ERO1B: variants seen among roughly 807,000 people sequenced by gnomAD.
The protein encoded by ERO1B is ERO1-like protein beta.
ERO1B carries 49 observed loss-of-function variants against 75.3 expected under a neutral mutation model. The ratio of observed to expected loss-of-function variants is 0.65; its 90% confidence interval spans 0.52 to 0.83. The LOEUF is 0.83. Among genes scored for constraint, ERO1B ranks in the 40% least tolerant of loss-of-function variants. ERO1B has a pLI of 0.00. For synonymous variants in ERO1B, 191 were observed against 192.9 expected (o/e 0.99, Z 0.08); for missense variants, 512 against 560.1 (o/e 0.91, Z 0.87).
At chr1:236,235,053 T>C (rs1313155472) in intron 8 of ERO1B, among the ~76,000 whole-genome samples, 1 of 152,252 alleles carries the variant, frequency 6.6e-6, no homozygotes, top group Non-Finnish European at 1.5e-5. Context: ...AATATAGTTT[T>C]TACATCTAAA....
intron 8 of ERO1B, among the ~76,000 whole-genome samples, chr1:236,234,551 G>C (rs548950182): frequency 6.6e-6 from 1 of 152,292 alleles, no homozygotes; most frequent in African/African-American, 2.4e-5. Flanking sequence ...GGCAAAAGTA[G>C]TAAAAGAGAC....
In ERO1B at chr1:236,221,796, A is replaced by G. The variant is rs1460201612; in HGVS notation, c.1209+128T>C. The G allele has an allele frequency of 1.2e-5, 8 of 684,406 alleles. No homozygotes were observed. In the East Asian group the frequency reaches 2.3e-4, roughly 20 times the overall value. The allele number at this position is 684,406 out of a possible 1,614,324, so 42.4% of individuals were successfully genotyped here. A position where few individuals can be genotyped will look rare whatever the true frequency, so the allele number is the denominator to read the frequency against. On this transcript the variant is annotated intron_variant, in intron 14 of 15. Coordinates refer to ENST00000354619, the MANE Select transcript of ERO1B (RefSeq NM_019891.4). ...TTTAATTTTTTCATCAACAGAAAAA[A>G]CACCTTGGATCTGCCTATTCCTAAA...
chr1:236,257,176 G>C (rs575187467), intron 2 of ERO1B, among the ~76,000 whole-genome samples: 2 of 152,314 alleles, frequency 1.3e-5, no homozygotes, highest in South Asian at 4.1e-4. Context: ...CAGCAGGCTG[G>C]ACAAGCACAA....
chr1:236,219,539 C>A (rs1664082769), intron 15 of ERO1B, among the ~76,000 whole-genome samples: 1 of 152,148 alleles, frequency 6.6e-6, no homozygotes, highest in South Asian at 2.1e-4. Context: ...CAATATTTTT[C>A]ATTTCAATTT....
rs1664283082 is a variant in ERO1B at position 236,226,482 on chromosome 1, A to G, written c.839T>C (p.Ile280Thr). 1.2e-6 allele frequency: 2 copies of G among 1,613,922 alleles called. No homozygotes were observed. Among genetic ancestry groups the G allele is most frequent in the African/African-American group, 1.3e-5 (1 of 74,916 alleles). The change falls in exon 12 of 16, where the codon ATT becomes ACT. Residue 280 changes from isoleucine (I) to threonine (T), a missense_variant. Coordinates refer to ENST00000354619, the MANE Select transcript of ERO1B (RefSeq NM_019891.4). ...GTCAAAGCGGTGTTTGAATTCTTTA[A>G]TATTAGGTCCCCAACTGGGCTTACC... Reference protein sequence around the residue: ...TWGKPSWGPNIKEFKHRFDPV... With the variant: ...TWGKPSWGPNTKEFKHRFDPV...
At chr1:236,236,424 C>A (rs771391632) in intron 6 of ERO1B, 26 bp from the exon 7 acceptor site, 11 of 1,611,138 alleles carry the variant, frequency 6.8e-6, no homozygotes, top group Non-Finnish European at 9.3e-6. Context: ...TTCATAAAAA[C>A]CATCCATATT....
Position 236,236,325 on chromosome 1 carries a change from G to T in ERO1B, c.579C>A (p.Thr193=). The change falls in exon 7 of 16, where the codon ACC becomes ACA. Residue 193 remains threonine (T), a synonymous_variant. Transcript: ENST00000354619. ...NPERYTGYKG[T]SAWRVWNSIY... is the part of the protein sequence containing the mutation. ...TGCTGTTCCACACTCTCCATGCAGA[G>T]GTCCCTTTATAGCCAGTGTAACGCT... 1 of 1,613,896 alleles carries T rather than the reference G, an allele frequency of 6.2e-7. No individual in the cohort carries two copies. Among genetic ancestry groups the T allele is most frequent in the Non-Finnish European group, 8.5e-7 (1 of 1,179,976 alleles).
In ERO1B at chr1:236,225,367, T is replaced by A. The variant is rs1292532912; in HGVS notation, c.1053-228A>T. ...TAAATTTAGTAAGACTGTAATGTTT[T>A]AAATAAATGACACAGGTAATCTAAA... On this transcript the variant is annotated intron_variant, in intron 12 of 15. Coordinates refer to ENST00000354619, the MANE Select transcript of ERO1B (RefSeq NM_019891.4). Among the ~76,000 whole-genome samples the A allele has an allele frequency of 3.3e-5, 5 of 152,316 alleles. No individual in the cohort carries two copies. The South Asian group carries it at 8.3e-4, about 25-fold the overall frequency.
chr1:236,250,083 A>G, intron 4 of ERO1B, 116 bp from the exon 5 acceptor site: 1 of 544,964 alleles, frequency 1.8e-6, no homozygotes, highest in African/African-American at 2.0e-5. Flanking sequence ...CATACATTCC[A>G]TTATAAAAAT....
intron 1 of ERO1B, among the ~76,000 whole-genome samples, chr1:236,272,461 C>T (rs1665613431): frequency 6.6e-6 from 1 of 152,036 alleles, no homozygotes. Flanking sequence ...AATGCAAAAG[C>T]AGAAAATCAA....
At chr1:236,253,770 C>T (rs1048694605) in intron 2 of ERO1B, among the ~76,000 whole-genome samples, 8 of 152,200 alleles carry the variant, frequency 5.3e-5, no homozygotes, top group Non-Finnish European at 1.2e-4. Context: ...AGAATTCTCT[C>T]ATGCACCCAT....
intron 5 of ERO1B, among the ~76,000 whole-genome samples, chr1:236,246,804 A>G (rs1664896811): frequency 6.6e-6 from 1 of 152,182 alleles, no homozygotes; most frequent in Admixed American, 6.5e-5. Context: ...GTGGCTATAG[A>G]GTTGGGTTCA....
At chr1:236,259,060 T>C (rs534321194) in intron 2 of ERO1B, among the ~76,000 whole-genome samples, 18 of 152,104 alleles carry the variant, frequency 1.2e-4, no homozygotes, top group Non-Finnish European at 2.4e-4. Flanking sequence ...TAATACACTA[T>C]ACAAACTATA....
chr1:236,245,400 A>G (rs1207970014), intron 5 of ERO1B, among the ~76,000 whole-genome samples: 2 of 61,242 alleles, frequency 3.3e-5, no homozygotes, highest in Admixed American at 1.9e-4. Flanking sequence ...ATATATACGT[A>G]TATATATACA....
chr1:236,222,314 T>C (rs1157637109), intron 13 of ERO1B, among the ~76,000 whole-genome samples: 1 of 152,194 alleles, frequency 6.6e-6, no homozygotes, highest in Non-Finnish European at 1.5e-5. Flanking sequence ...GGTTTCGCCA[T>C]GTTGTCCAGG....
chr1:236,249,337 AC>A (rs1664960431), intron 5 of ERO1B, among the ~76,000 whole-genome samples: 1 of 151,956 alleles, frequency 6.6e-6, no homozygotes, highest in South Asian at 2.1e-4. Context: ...ATAAATACAA[AC>A]CTAATCAAAT....
chr1:236,219,272 A>G (rs1664075267), intron 15 of ERO1B, among the ~76,000 whole-genome samples: 1 of 152,178 alleles, frequency 6.6e-6, no homozygotes, highest in Non-Finnish European at 1.5e-5. Context: ...AAACTAGGAA[A>G]GCAGTGATTT....
At chr1:236,259,023 A>C (rs1222822511) in intron 2 of ERO1B, among the ~76,000 whole-genome samples, 2 of 152,244 alleles carry the variant, frequency 1.3e-5, no homozygotes, top group Admixed American at 1.3e-4. Context: ...TAAAAGACAA[A>C]ATATTAAAAA....
chr1:236,230,099 A>AT (rs200114830), intron 10 of ERO1B, 125 bp downstream of exon 10: 6,710 of 693,754 alleles, frequency 9.7e-3, no homozygotes, highest in East Asian at 0.012. Flanking sequence ...CCTAAAACAC[A>AT]TTTTTTTTTT....
Sources: allele counts gnomAD v4.1 joint callset (sites outside exome capture counted in the v4.1 genomes callset), GRCh38; gene constraint gnomAD v4.1.1; transcripts MANE v1.5; gene names NCBI Gene and HGNC (gene_info 2026-07-23, HGNC 2026-07-21).